The following CNTN3 variants were observed in gnomAD, a reference collection of about 807,000 sequenced individuals.
CNTN3 encodes the protein contactin 3.
A neutral mutation model predicts 119.1 loss-of-function variants in CNTN3; 60 were observed. The ratio of observed to expected loss-of-function variants is 0.50; its 90% confidence interval spans 0.41 to 0.62. CNTN3 has a LOEUF of 0.62. CNTN3 is among the 20% of genes least tolerant of loss of function. The probability of loss-of-function intolerance (pLI) is 0.00; values close to 1 mark genes in which losing one functional copy is unlikely to be tolerated. For missense variants in CNTN3, 1,101 were observed against 1,242.4 expected (o/e 0.89, Z 1.71); for synonymous variants, 450 against 438.7 (o/e 1.03, Z -0.32).
intron 1 of CNTN3, among the ~76,000 whole-genome samples, chr3:74,582,529 G>C (rs944047205): frequency 2.0e-5 from 3 of 152,098 alleles, no homozygotes; most frequent in African/African-American, 7.2e-5. Flanking sequence ...CATAAAAATA[G>C]GCAATACTTC....
intron 1 of CNTN3, among the ~76,000 whole-genome samples, chr3:74,557,895 G>T (rs1704095367): frequency 6.6e-6 from 1 of 152,076 alleles, no homozygotes; most frequent in Non-Finnish European, 1.5e-5. Context: ...AAACCAACAA[G>T]AACACTGAAG....
intron 5 of CNTN3, among the ~76,000 whole-genome samples, chr3:74,383,739 C>A (rs1704679933): frequency 6.6e-6 from 1 of 152,182 alleles, no homozygotes; most frequent in African/African-American, 2.4e-5. Context: ...CTCACTTCAG[C>A]CTCCCAAAGT....
At chr3:74,460,618 T>TTG (rs1702346895) in intron 4 of CNTN3, among the ~76,000 whole-genome samples, 1 of 151,548 alleles carries the variant, frequency 6.6e-6, no homozygotes, top group African/African-American at 2.4e-5. Context: ...CCACTGGTTT[T>TTG]TGTGTGCTGA....
intron 5 of CNTN3, among the ~76,000 whole-genome samples, chr3:74,387,314 G>C (rs1441915595): frequency 6.6e-6 from 1 of 152,124 alleles, no homozygotes; most frequent in Non-Finnish European, 1.5e-5. Context: ...TTTATAGACA[G>C]AGCAAAATAA....
At chr3:74,443,096 GAAGGA>G (rs751846458) in intron 4 of CNTN3, among the ~76,000 whole-genome samples, 1 of 152,170 alleles carries the variant, frequency 6.6e-6, no homozygotes, top group African/African-American at 2.4e-5. Flanking sequence ...GGGTGGAGGA[GAAGGA>G]AAGAATTTCA....
chr3:74,513,597 G>A (rs1057094905), intron 2 of CNTN3, among the ~76,000 whole-genome samples: 1 of 151,268 alleles, frequency 6.6e-6, no homozygotes, highest in Non-Finnish European at 1.5e-5. Flanking sequence ...GCCCTCAAGA[G>A]CTTCCACAAA....
At chr3:74,369,587 C>T (rs995749096) in intron 7 of CNTN3, among the ~76,000 whole-genome samples, 15 of 150,632 alleles carry the variant, frequency 1.0e-4, no homozygotes, top group Admixed American at 4.6e-4. Context: ...GACATGATTT[C>T]GAGAAAAAAG....
chr3:74,317,365 T>C (rs897436131), intron 13 of CNTN3, among the ~76,000 whole-genome samples: 1 of 152,178 alleles, frequency 6.6e-6, no homozygotes, highest in African/African-American at 2.4e-5. Flanking sequence ...TATGTGTGTA[T>C]TTGGTCCTGT....
chr3:74,532,987 A>G (rs1210765452), intron 1 of CNTN3, among the ~76,000 whole-genome samples: 1 of 152,020 alleles, frequency 6.6e-6, no homozygotes, highest in African/African-American at 2.4e-5. Flanking sequence ...AGGGAATAGA[A>G]GTGATGAACC....
At chr3:74,602,199 C>T (rs368411427) in intron 1 of CNTN3, among the ~76,000 whole-genome samples, 9 of 146,650 alleles carry the variant, frequency 6.1e-5, no homozygotes, top group African/African-American at 1.0e-4. Context: ...TAAGGTAAGA[C>T]GATCACTTGA....
intron 3 of CNTN3, among the ~76,000 whole-genome samples, chr3:74,493,659 T>A (rs1434465772): frequency 6.6e-6 from 1 of 152,174 alleles, no homozygotes; most frequent in Non-Finnish European, 1.5e-5. Context: ...TTTGTGGTTT[T>A]AGATGCAGCT....
chr3:74,360,729 G>C (rs990951639), intron 11 of CNTN3, among the ~76,000 whole-genome samples: 1 of 152,040 alleles, frequency 6.6e-6, no homozygotes, highest in African/African-American at 2.4e-5. Context: ...TGGAACCAAG[G>C]TCCCTGTTTT....
At chr3:74,585,715 A>G (rs1476423586) in intron 1 of CNTN3, among the ~76,000 whole-genome samples, 1 of 152,176 alleles carries the variant, frequency 6.6e-6, no homozygotes, top group Admixed American at 6.6e-5. Context: ...TTGACAAAAC[A>G]TTTATATTCA....
At chr3:74,522,419 C>T (rs1342249832) in intron 1 of CNTN3, among the ~76,000 whole-genome samples, 2 of 151,860 alleles carry the variant, frequency 1.3e-5, no homozygotes, top group Non-Finnish European at 2.9e-5. Context: ...GACCTTTAAC[C>T]TTCACTCAAT....
chr3:74,473,392 T>C (rs1702600461), intron 4 of CNTN3, among the ~76,000 whole-genome samples: 1 of 152,194 alleles, frequency 6.6e-6, no homozygotes. Context: ...ACTTGTTTTG[T>C]TTTATGCTTA....
At chr3:74,572,302 G>A (rs753336253) in intron 1 of CNTN3, among the ~76,000 whole-genome samples, 1 of 152,070 alleles carries the variant, frequency 6.6e-6, no homozygotes, top group Non-Finnish European at 1.5e-5. Context: ...AATATCTAAT[G>A]TCAAAGAAAC....
intron 3 of CNTN3, among the ~76,000 whole-genome samples, chr3:74,491,410 A>G (rs965946462): frequency 6.6e-6 from 1 of 152,024 alleles, no homozygotes; most frequent in Non-Finnish European, 1.5e-5. Flanking sequence ...GACTAAGGTG[A>G]GAGGGCTTAA....
At chr3:74,587,515 GC>G (rs1704615566) in intron 1 of CNTN3, among the ~76,000 whole-genome samples, 1 of 152,068 alleles carries the variant, frequency 6.6e-6, no homozygotes, top group Admixed American at 6.6e-5. Context: ...GATTCCATCT[GC>G]CACTTATGGT....
intron 4 of CNTN3, among the ~76,000 whole-genome samples, chr3:74,485,898 C>T (rs1019661230): frequency 6.6e-6 from 1 of 152,062 alleles, no homozygotes; most frequent in Non-Finnish European, 1.5e-5. Context: ...AGAGCCCAGG[C>T]GTCAGTGGGA....
Sources: gnomAD v4.1 joint callset for allele counts (sites outside exome capture counted in the v4.1 genomes callset) on GRCh38, gnomAD v4.1.1 for gene constraint, MANE v1.5 for transcripts, NCBI Gene and HGNC (gene_info 2026-07-23, HGNC 2026-07-21) for gene names.